DNER: variants seen among roughly 807,000 people sequenced by gnomAD.
The protein encoded by DNER is delta and Notch-like epidermal growth factor-related receptor.
In DNER, 33 loss-of-function variants were observed where a neutral mutation model predicts 78.2. The ratio of observed to expected loss-of-function variants is 0.42; its 90% CI spans 0.32 to 0.56. The LOEUF is 0.56. Ranked by LOEUF, DNER falls within the 20% of genes least tolerant of loss-of-function variation. The probability of loss-of-function intolerance (pLI) is 0.11; values close to 1 mark genes in which losing one functional copy is unlikely to be tolerated. For synonymous variants in DNER, 417 were observed against 384.8 expected (o/e 1.08, Z -0.98); for missense variants, 918 against 975.3 (o/e 0.94, Z 0.78).
intron 4 of DNER, among the ~76,000 whole-genome samples, chr2:229,564,721 C>CCATCACCAT (rs1387340529): frequency 6.6e-6 from 1 of 151,938 alleles, no homozygotes; most frequent in Non-Finnish European, 1.5e-5. Context: ...CATCATCACC[C>CCATCACCAT]CATCACCATC....
At chr2:229,515,635 C>CTTTTTTTTTT (rs1409850665) in intron 5 of DNER, among the ~76,000 whole-genome samples, 4 of 123,252 alleles carry the variant, frequency 3.2e-5, no homozygotes, top group Non-Finnish European at 5.1e-5. Flanking sequence ...TTCAAGTTAG[C>CTTTTTTTTTT]TTTATTTTTT....
At chr2:229,610,649 T>C (rs1698029736) in intron 1 of DNER, among the ~76,000 whole-genome samples, 1 of 151,512 alleles carries the variant, frequency 6.6e-6, no homozygotes, top group Admixed American at 6.6e-5. Flanking sequence ...AAGAGCAGCT[T>C]CATTTGGCAA....
chr2:229,523,011 C>T (rs1696131575), intron 5 of DNER, among the ~76,000 whole-genome samples: 1 of 152,214 alleles, frequency 6.6e-6, no homozygotes, highest in African/African-American at 2.4e-5. Context: ...ATTGTAAAGA[C>T]CTTCTTACAA....
intron 12 of DNER, among the ~76,000 whole-genome samples, chr2:229,365,985 G>T (rs1293994770): frequency 6.6e-6 from 1 of 152,210 alleles, no homozygotes; most frequent in Admixed American, 6.5e-5. Context: ...TATCTTAGTT[G>T]ATTGTTTAAT....
intron 5 of DNER, among the ~76,000 whole-genome samples, chr2:229,543,163 AAAGAAG>A (rs905778815): frequency 2.7e-5 from 4 of 149,292 alleles, no homozygotes; most frequent in African/African-American, 9.9e-5. Context: ...ATTAAAAAAA[AAAGAAG>A]AAGAAGAACA....
chr2:229,555,480 C>A (rs1696839567), intron 4 of DNER, among the ~76,000 whole-genome samples: 1 of 152,160 alleles, frequency 6.6e-6, no homozygotes, highest in African/African-American at 2.4e-5. Flanking sequence ...TATTCATAAG[C>A]CTCTCCTCCA....
intron 4 of DNER, among the ~76,000 whole-genome samples, chr2:229,564,742 TCATCAC>T (rs748119970): frequency 7.0e-4 from 107 of 152,272 alleles, no homozygotes; most frequent in South Asian, 1.5e-3. Flanking sequence ...ATCATCATCA[TCATCAC>T]CAGCAACATA....
chr2:229,490,859 C>T (rs1695383873), intron 6 of DNER, among the ~76,000 whole-genome samples: 1 of 152,148 alleles, frequency 6.6e-6, no homozygotes, highest in African/African-American at 2.4e-5. Context: ...ATCCCAAATC[C>T]AAAACGTCTC....
intron 1 of DNER, among the ~76,000 whole-genome samples, chr2:229,629,771 T>G (rs7591419): frequency 2.0e-5 from 3 of 152,222 alleles, no homozygotes; most frequent in Admixed American, 6.5e-5. Flanking sequence ...TGAGGTGGCA[T>G]TCTGAATATT....
In DNER at chr2:229,695,366, T is replaced by C. The variant is rs555801592; in HGVS notation, c.276+18782A>G. Among the ~76,000 whole-genome samples, 12 of 152,316 alleles carry C rather than the reference T, an allele frequency of 7.9e-5. No homozygotes were observed. In the South Asian group the frequency reaches 2.1e-3, roughly 26 times the overall value. The stretch of plus-strand genomic sequence containing the variant: ...AAGGAACCTAGCATGTAACCCTTCA[T>C]GTAAGTAACTGAACACTTAACTTGA... On this transcript the variant is annotated intron_variant, in intron 1 of 12. Transcript: ENST00000341772.
At chr2:229,640,429 C>G (rs886387344) in intron 1 of DNER, among the ~76,000 whole-genome samples, 1 of 152,228 alleles carries the variant, frequency 6.6e-6, no homozygotes, top group South Asian at 2.1e-4. Context: ...AGAAAAGTAG[C>G]TCAGTACAAC....
At chr2:229,524,296 T>G (rs1210179729) in intron 5 of DNER, among the ~76,000 whole-genome samples, 1 of 152,246 alleles carries the variant, frequency 6.6e-6, no homozygotes, top group Non-Finnish European at 1.5e-5. Flanking sequence ...ATATTATTTA[T>G]TGCATTGTTT....
intron 4 of DNER, among the ~76,000 whole-genome samples, chr2:229,565,957 T>C (rs1018925586): frequency 6.6e-6 from 1 of 152,214 alleles, no homozygotes; most frequent in African/African-American, 2.4e-5. Context: ...AAATCAGTTT[T>C]AAATTACTGT....
intron 1 of DNER, among the ~76,000 whole-genome samples, chr2:229,632,733 T>C (rs1445664760): frequency 6.6e-6 from 1 of 152,180 alleles, no homozygotes; most frequent in African/African-American, 2.4e-5. Flanking sequence ...AGCCCAGAGA[T>C]GATATTAATT....
intron 1 of DNER, among the ~76,000 whole-genome samples, chr2:229,635,947 AT>A (rs1284992185): frequency 3.3e-5 from 5 of 151,620 alleles, no homozygotes; most frequent in African/African-American, 1.2e-4. Context: ...TATTATATAT[AT>A]TTTTTATATT....
chr2:229,630,396 A>G (rs1308340584), intron 1 of DNER, among the ~76,000 whole-genome samples: 1 of 151,814 alleles, frequency 6.6e-6, no homozygotes, highest in Admixed American at 6.6e-5. Context: ...GAATTGCTTG[A>G]ACCCGGAAGG....
chr2:229,526,201 T>C lies in DNER; in HGVS notation c.994-13265A>G, dbSNP rs565640789. Among the ~76,000 whole-genome samples the C allele has an allele frequency of 5.8e-4, 89 of 152,346 alleles. 1 individual carries two copies. The highest frequency in any genetic ancestry group is 2.1e-3 in the African/African-American group (86 of 41,586). On this transcript the variant is annotated intron_variant, in intron 5 of 12. Transcript: ENST00000341772. ...TTTTTATTAATCTATAATATTCACA[T>C]GAAGCGATTTCTTTTGTGTGATAAT...
chr2:229,541,076 G>T (rs1696503480), intron 5 of DNER, among the ~76,000 whole-genome samples: 1 of 152,182 alleles, frequency 6.6e-6, no homozygotes, highest in African/African-American at 2.4e-5. Context: ...ATAATCCTTG[G>T]ATGAAAAGAT....
intron 9 of DNER, among the ~76,000 whole-genome samples, chr2:229,414,738 C>A (rs907886314): frequency 1.8e-4 from 27 of 152,138 alleles, no homozygotes; most frequent in Middle Eastern, 3.2e-3. Context: ...TGTGTAATTC[C>A]CTCCCTTTGA....
Sources: allele counts gnomAD v4.1 joint callset (sites outside exome capture counted in the v4.1 genomes callset), GRCh38; gene constraint gnomAD v4.1.1; transcripts MANE v1.5; gene names NCBI Gene and HGNC (gene_info 2026-07-23, HGNC 2026-07-21).